ATE1: variants seen among roughly 807,000 people sequenced by gnomAD.
The protein encoded by ATE1 is arginyltransferase 1, also known as arginyl-tRNA--protein transferase 1.
ATE1 carries 36 observed loss-of-function variants against 70.5 expected under a neutral mutation model. The observed-to-expected ratio is 0.51, with a 90% CI of 0.39 to 0.67. The LOEUF (loss-of-function observed/expected upper bound fraction) is 0.67, where lower values mean the gene tolerates loss of function less well. Ranked by LOEUF, ATE1 falls within the 30% of genes least tolerant of loss-of-function variation. ATE1 has a pLI of 0.00. For missense variants in ATE1, 593 were observed against 629.5 expected, an observed-to-expected ratio of 0.94 and a Z score of 0.62; for synonymous variants, 232 against 219.3, an observed-to-expected ratio of 1.06 and a Z score of -0.51.
At chr10:121,902,701 G>T (rs1951029801) in intron 5 of ATE1, 81 bp from the exon 6 acceptor site, 3 of 1,360,320 alleles carry the variant, frequency 2.2e-6, no homozygotes, top group South Asian at 1.4e-5. Context: ...ATTCTACAGT[G>T]TAAGTCCAAA....
At chr10:121,763,871 G>A (rs751296987) in intron 11 of ATE1, among the ~76,000 whole-genome samples, 6 of 151,974 alleles carry the variant, frequency 3.9e-5, no homozygotes, top group Non-Finnish European at 5.9e-5. Context: ...AAAATTAGCC[G>A]AGCACTGTGG....
Position 121,911,170 on chromosome 10 carries a change from TA to T in ATE1, c.338-20del. 2 of 1,598,104 alleles carry T rather than the reference TA, an allele frequency of 1.3e-6. No individual in the cohort carries two copies. Among genetic ancestry groups the T allele is most frequent in the Non-Finnish European group, 1.7e-6 (2 of 1,176,864 alleles). On this transcript the variant is annotated intron_variant, in intron 4 of 11. Coordinates refer to ENST00000224652, the MANE Select transcript of ATE1 (RefSeq NM_001001976.3). ...GGCTCATCTACAAATCAGAAGAAAT[TA>T]AAAATCCATCAGCTGGGTTATTTGA...
At chr10:121,896,822 T>TC (rs1434104383) in intron 7 of ATE1, among the ~76,000 whole-genome samples, 2 of 16,264 alleles carry the variant, frequency 1.2e-4, no homozygotes, top group African/African-American at 1.1e-3. Flanking sequence ...AGACTTTGTC[T>TC]CAAAAAAAAA....
chr10:121,924,362 G>A, intron 1 of ATE1, 33 bp from the exon 2 acceptor site: 1 of 1,592,338 alleles, frequency 6.3e-7, no homozygotes, highest in Non-Finnish European at 8.6e-7. Context: ...AATTACGGCA[G>A]GGTAACCTTT....
At chr10:121,894,775 C>G (rs1950712989) in intron 7 of ATE1, among the ~76,000 whole-genome samples, 1 of 152,068 alleles carries the variant, frequency 6.6e-6, no homozygotes, top group African/African-American at 2.4e-5. Context: ...GTGGCGGGCA[C>G]CTGTAGTCCC....
At chr10:121,886,279 A>T (rs1366313275) in intron 7 of ATE1, among the ~76,000 whole-genome samples, 3 of 146,712 alleles carry the variant, frequency 2.0e-5, no homozygotes, top group Non-Finnish European at 4.5e-5. Flanking sequence ...AAAAACCAAA[A>T]ATACATTGAT....
chr10:121,758,181 T>C (rs193117068), intron 11 of ATE1, among the ~76,000 whole-genome samples: 2 of 152,364 alleles, frequency 1.3e-5, no homozygotes, highest in Non-Finnish European at 2.9e-5. Flanking sequence ...CAGTTCATCT[T>C]AGGATCTATT....
At chr10:121,881,715 T>C in intron 7 of ATE1, among the ~76,000 whole-genome samples, 1 of 152,042 alleles carries the variant, frequency 6.6e-6, no homozygotes. Flanking sequence ...ATAAATCTTT[T>C]CCCAAATGAT....
Position 121,809,430 on chromosome 10 carries a change from T to C in ATE1, c.1258-19141A>G, listed in dbSNP as rs920086942. Reference sequence around the variant, plus strand: ...TGGGATGCAGCACAAGCACTTTACATATACTACCCATTTCATCACACTGAA... The same window carrying C: ...TGGGATGCAGCACAAGCACTTTACACATACTACCCATTTCATCACACTGAA... On this transcript the variant is annotated intron_variant, in intron 10 of 11. Coordinates refer to ENST00000224652, the MANE Select transcript of ATE1 (RefSeq NM_001001976.3). 2.6e-5 allele frequency among the ~76,000 whole-genome samples: 4 copies of C among 152,154 alleles called. 1 individual carries two copies. The highest frequency in any genetic ancestry group is 4.4e-5 in the Non-Finnish European group (3 of 68,024).
In ATE1 at chr10:121,887,673, C is replaced by T. The variant is rs116539747; in HGVS notation, c.942+12193G>A. Among the ~76,000 whole-genome samples, 322 of 152,244 alleles carry T rather than the reference C, an allele frequency of 2.1e-3. 1 individual carries two copies. Among genetic ancestry groups the T allele is most frequent in the African/African-American group, 7.5e-3 (313 of 41,536 alleles). ...GTGAGCTATGATCACGCCACTTGCACTCCAGCCTGGGCAACAGAGCAGGAC... is the reference window on the plus strand; with the variant it reads ...GTGAGCTATGATCACGCCACTTGCATTCCAGCCTGGGCAACAGAGCAGGAC... On this transcript the variant is annotated intron_variant, in intron 7 of 11. Transcript: ENST00000224652.
intron 11 of ATE1, among the ~76,000 whole-genome samples, chr10:121,770,801 C>T (rs996515736): frequency 3.3e-5 from 5 of 150,154 alleles, no homozygotes; most frequent in Admixed American, 2.0e-4. Context: ...ATACTTTACA[C>T]ATTCATTCTT....
intron 11 of ATE1, among the ~76,000 whole-genome samples, chr10:121,758,500 A>C (rs1944899409): frequency 1.3e-5 from 2 of 152,268 alleles, no homozygotes; most frequent in Non-Finnish European, 2.9e-5. Context: ...TAGAAATTAT[A>C]GTATTAATCT....
chr10:121,925,351 C>T (rs1023034575), intron 1 of ATE1, among the ~76,000 whole-genome samples: 10 of 149,402 alleles, frequency 6.7e-5, no homozygotes, highest in Non-Finnish European at 1.2e-4. Context: ...ACCCAGGAGG[C>T]GGAGGTTGCA....
At chr10:121,882,391 AT>A (rs1564923778) in intron 7 of ATE1, among the ~76,000 whole-genome samples, 1 of 152,210 alleles carries the variant, frequency 6.6e-6, no homozygotes, top group East Asian at 1.9e-4. Context: ...ACAGTTCCTA[AT>A]AACATCATCC....
At chr10:121,790,017 C>A in intron 11 of ATE1, 152 bp downstream of exon 11, 1 of 1,043,202 alleles carries the variant, frequency 9.6e-7, no homozygotes, top group Non-Finnish European at 1.3e-6. Flanking sequence ...TGTGCAAAGT[C>A]TTCCTCTATC....
chr10:121,928,150 AT>A, upstream of ATE1: 1 of 1,269,930 alleles, frequency 7.9e-7, no homozygotes. Context: ...GCTTTCCACT[AT>A]TTCCGTTCCT....
At chr10:121,925,426 T>TAA (rs1253971037) in intron 1 of ATE1, among the ~76,000 whole-genome samples, 1 of 92,654 alleles carries the variant, frequency 1.1e-5, no homozygotes, top group Non-Finnish European at 2.3e-5. Context: ...AAGCTCTGTC[T>TAA]CAAAAAAAAA....
At chr10:121,789,753 T>G (rs1262005906) in intron 11 of ATE1, among the ~76,000 whole-genome samples, 1 of 152,128 alleles carries the variant, frequency 6.6e-6, no homozygotes, top group Non-Finnish European at 1.5e-5. Context: ...TCCATTACAG[T>G]CTGTTTGCCT....
At chr10:121,774,416 C>A (rs2135904642) in intron 11 of ATE1, among the ~76,000 whole-genome samples, 1 of 152,094 alleles carries the variant, frequency 6.6e-6, no homozygotes, top group Admixed American at 6.6e-5. Context: ...ATGTCATTAA[C>A]CTAGAAAAAA....
Sources: allele counts gnomAD v4.1 joint callset (sites outside exome capture counted in the v4.1 genomes callset), GRCh38; gene constraint gnomAD v4.1.1; transcripts MANE v1.5; gene names NCBI Gene and HGNC (gene_info 2026-07-23, HGNC 2026-07-21).